The following GRIN2B variants were observed in gnomAD, a reference collection of about 807,000 sequenced individuals.
GRIN2B encodes the protein glutamate ionotropic receptor NMDA type subunit 2B.
A neutral mutation model predicts 114.5 loss-of-function variants in GRIN2B; 5 were observed. The ratio of observed to expected loss-of-function variants is 0.04; its 90% confidence interval spans 0.02 to 0.09. The LOEUF (loss-of-function observed/expected upper bound fraction) is 0.09, where lower values mean the gene tolerates loss of function less well. Among genes scored for constraint, GRIN2B ranks in the 10% least tolerant of loss-of-function variants. The pLI is 1.00. For missense variants in GRIN2B, 1,108 were observed against 1,943.5 expected (o/e 0.57, Z 8.08); for synonymous variants, 787 against 745.1 (o/e 1.06, Z -0.92).
At chr12:13,678,579 T>C (rs1950098308) in intron 4 of GRIN2B, among the ~76,000 whole-genome samples, 1 of 152,096 alleles carries the variant, frequency 6.6e-6, no homozygotes, top group Non-Finnish European at 1.5e-5. Flanking sequence ...CCTTGGCTGC[T>C]CTCTCCAGAC....
intron 2 of GRIN2B, among the ~76,000 whole-genome samples, chr12:13,935,470 T>C (rs1168790458): frequency 1.3e-5 from 2 of 152,230 alleles, no homozygotes; most frequent in Non-Finnish European, 2.9e-5. Context: ...GAGCGCTGAC[T>C]ATTGTCAAGT....
At position 13,564,705 on chromosome 12, in the gene GRIN2B, C is replaced by G; in HGVS notation, c.2599-66G>C. On this transcript the variant is annotated intron_variant, in intron 13 of 13. Coordinates refer to ENST00000609686, the MANE Select transcript of GRIN2B (RefSeq NM_000834.5). This position sits in a 1 kb window ranked among gnomAD's most constrained non-coding sequence, Gnocchi z 4.8. ...GCTAGAAATGACCACAAAAAACACT[C>G]TCCCACCAATAATTGCTCCAACTGG... 4 of 1,369,538 alleles carry G rather than the reference C, an allele frequency of 2.9e-6. No homozygotes were observed. The East Asian group carries it at 9.1e-5, about 31-fold the overall frequency. The allele number at this position is 1,369,538 out of a possible 1,614,324, so 84.8% of individuals were successfully genotyped here.
chr12:13,598,884 C>G (rs1949111874), intron 10 of GRIN2B, among the ~76,000 whole-genome samples: 1 of 152,210 alleles, frequency 6.6e-6, no homozygotes. Context: ...ACTTCTGGTA[C>G]TGACTAGCCA....
At chr12:13,714,997 A>G (rs1244589535) in intron 4 of GRIN2B, among the ~76,000 whole-genome samples, 1 of 151,916 alleles carries the variant, frequency 6.6e-6, no homozygotes, top group Non-Finnish European at 1.5e-5. Flanking sequence ...GAGTGGGCCA[A>G]TCTTTTCAGT....
intron 4 of GRIN2B, among the ~76,000 whole-genome samples, chr12:13,736,994 C>T (rs1863194992): frequency 7.1e-6 from 1 of 140,280 alleles, no homozygotes; most frequent in Non-Finnish European, 1.5e-5. Flanking sequence ...TGCACCATTG[C>T]ACTCCAGCTT....
intron 10 of GRIN2B, among the ~76,000 whole-genome samples, chr12:13,587,287 T>TGA (rs1304033465): frequency 2.5e-4 from 38 of 151,870 alleles, no homozygotes; most frequent in African/African-American, 9.2e-4. Context: ...AGCATCTTCC[T>TGA]CTCTGAGTCT....
At chr12:13,973,384 G>A (rs1862963309) in intron 2 of GRIN2B, among the ~76,000 whole-genome samples, 1 of 152,182 alleles carries the variant, frequency 6.6e-6, no homozygotes, top group Non-Finnish European at 1.5e-5. Flanking sequence ...TGCCGTTGGT[G>A]AGTTGAGTGA....
chr12:13,861,377 A>C (rs1865748398), intron 3 of GRIN2B, among the ~76,000 whole-genome samples: 1 of 152,226 alleles, frequency 6.6e-6, no homozygotes, highest in Non-Finnish European at 1.5e-5. Context: ...ATCAGTAGAA[A>C]AACCTCCTAG....
chr12:13,789,341 C>A (rs1347414990), intron 3 of GRIN2B, among the ~76,000 whole-genome samples: 2 of 152,144 alleles, frequency 1.3e-5, no homozygotes, highest in African/African-American at 4.8e-5. Context: ...GTGCATGTGC[C>A]TTCCACATTC....
At chr12:13,579,583 GTCATCATCATCT>G (rs1948819528) in intron 10 of GRIN2B, among the ~76,000 whole-genome samples, 1 of 152,150 alleles carries the variant, frequency 6.6e-6, no homozygotes, top group Non-Finnish European at 1.5e-5. Context: ...CATCATCATT[GTCATCATCATCT>G]TCATCATCGC....
chr12:13,826,600 T>A (rs544852942), intron 3 of GRIN2B, among the ~76,000 whole-genome samples: 1 of 152,336 alleles, frequency 6.6e-6, no homozygotes, highest in African/African-American at 2.4e-5. Context: ...TATTGCTAAT[T>A]TTCAGCAGTT....
At chr12:13,683,496 A>G (rs1271867256) in intron 4 of GRIN2B, 1 of 152,218 alleles carries the variant, frequency 6.6e-6, no homozygotes, top group African/African-American at 2.4e-5. Context: ...ATAAATAATA[A>G]TATTACCTAT....
chr12:13,890,748 T>C (rs777714448), intron 2 of GRIN2B, among the ~76,000 whole-genome samples: 3 of 152,154 alleles, frequency 2.0e-5, no homozygotes, highest in Non-Finnish European at 2.9e-5. Flanking sequence ...GGATTGAACA[T>C]GGAAGGGCCC....
intron 2 of GRIN2B, among the ~76,000 whole-genome samples, chr12:13,928,561 A>C (rs980323880): frequency 2.0e-5 from 3 of 152,234 alleles, no homozygotes; most frequent in Non-Finnish European, 4.4e-5. Context: ...TAAAAGTATA[A>C]GGATAAACTT....
At chr12:13,717,790 T>C (rs1051404838) in intron 4 of GRIN2B, among the ~76,000 whole-genome samples, 1 of 151,952 alleles carries the variant, frequency 6.6e-6, no homozygotes, top group African/African-American at 2.4e-5. Flanking sequence ...GTCTGGGTGA[T>C]CCAAAACGGA....
intron 5 of GRIN2B, among the ~76,000 whole-genome samples, chr12:13,654,672 T>C (rs1306134179): frequency 1.3e-5 from 2 of 152,174 alleles, no homozygotes; most frequent in East Asian, 1.9e-4. Flanking sequence ...TTTTCTTTCA[T>C]AGATGAAACT....
chr12:13,646,669 C>A (rs978769681), intron 5 of GRIN2B, among the ~76,000 whole-genome samples: 1 of 151,888 alleles, frequency 6.6e-6, no homozygotes, highest in East Asian at 1.9e-4. Flanking sequence ...CTCCTCTTCT[C>A]CTTCTCCTTC....
rs565908036 is a variant in GRIN2B, at chr12:13,647,919, C to T, written c.1125+27826G>A. 2.9e-4 allele frequency among the ~76,000 whole-genome samples: 44 copies of T among 152,160 alleles called. No individual in the cohort carries two copies. In the South Asian group the frequency reaches 4.6e-3, roughly 16 times the overall value. On this transcript the variant is annotated intron_variant, in intron 5 of 13. Transcript: ENST00000609686. ...TATTGGTTTCAGTTGGATGAAAGGA[C>T]GCTGGCAGTGGGATGACTTTGAGCT...
Position 13,541,947 on chromosome 12 carries a change from A to G in GRIN2B, c.*20836T>C, listed in dbSNP as rs377026280. On this transcript the variant is annotated 3_prime_UTR_variant, in exon 14 of 14. Transcript: ENST00000609686. Reference sequence around the variant, plus strand: ...TTGCTAAATCTCCAAATGCCTACACAGTGGAATTTTATTTTTCTGCTCTCC... The same window carrying G: ...TTGCTAAATCTCCAAATGCCTACACGGTGGAATTTTATTTTTCTGCTCTCC... The G allele has an allele frequency of 6.6e-6, 1 of 152,204 alleles. No homozygotes were observed. The allele number at this position is 152,204 out of a possible 1,614,324, so 9.4% of individuals were successfully genotyped here. A position where few individuals can be genotyped will look rare whatever the true frequency, so the allele number is the denominator to read the frequency against.
Sources: allele counts gnomAD v4.1 joint callset (sites outside exome capture counted in the v4.1 genomes callset), GRCh38; gene constraint gnomAD v4.1.1; non-coding constraint Gnocchi (gnomAD v3.1); transcripts MANE v1.5; gene names NCBI Gene and HGNC (gene_info 2026-07-23, HGNC 2026-07-21).